RERE: variants seen among roughly 807,000 people sequenced by gnomAD.
RERE encodes arginine-glutamic acid dipeptide repeats protein.
Under a neutral mutation model 146.1 loss-of-function variants are expected in RERE, and 40 were observed. The observed-to-expected ratio is 0.27, with a 90% CI of 0.21 to 0.36. The LOEUF is 0.36. RERE is among the 10% of genes least tolerant of loss of function. The pLI is 1.00. For synonymous variants in RERE, 1,003 were observed against 866.0 expected (o/e 1.16, Z -2.78); for missense variants, 1,933 against 2,138.7 (o/e 0.90, Z 1.90).
intron 12 of RERE, among the ~76,000 whole-genome samples, chr1:8,395,733 T>C (rs1240435547): frequency 6.6e-6 from 1 of 152,128 alleles, no homozygotes; most frequent in Admixed American, 6.5e-5. Flanking sequence ...CATCCGTGTT[T>C]CTAAAACGGG....
In RERE at chr1:8,556,197, A is replaced by G. The variant is rs1352192123; in HGVS notation, c.725+278T>C. On this transcript the variant is annotated intron_variant, in intron 6 of 22. Transcript: ENST00000400908. ...TACTTCAGCAAACAATACCAGGATA[A>G]TAATTTCCAAGGAAATGAAGATACA... is the stretch of plus-strand genomic sequence containing the variant. Among the ~76,000 whole-genome samples, 3 of 152,218 alleles carry G rather than the reference A, an allele frequency of 2.0e-5. No individual in the cohort carries two copies. In the East Asian group the frequency reaches 5.8e-4, roughly 29 times the overall value.
At chr1:8,552,080 C>T (rs993813327) in intron 6 of RERE, among the ~76,000 whole-genome samples, 4 of 152,222 alleles carry the variant, frequency 2.6e-5, no homozygotes, top group African/African-American at 7.2e-5. Context: ...TAATGCTGAA[C>T]TTCAACACAC....
At chr1:8,540,742 G>C (rs1557679057) in intron 7 of RERE, among the ~76,000 whole-genome samples, 1 of 152,142 alleles carries the variant, frequency 6.6e-6, no homozygotes, top group Non-Finnish European at 1.5e-5. Flanking sequence ...CATACTAGTA[G>C]TCTTACTAAA....
At position 8,734,887 on chromosome 1, in the gene RERE, C is replaced by T. The variant is rs192363512; in HGVS notation, c.-144-78446G>A. On this transcript the variant is annotated intron_variant, in intron 1 of 22. Transcript: ENST00000400908. ...TCACTTCTCTCTCAATTATCCTTCT[C>T]AACTTCCTTATATAGCCTTCTCTGA... is the stretch of plus-strand genomic sequence containing the variant. 8.4e-4 allele frequency among the ~76,000 whole-genome samples: 128 copies of T among 152,272 alleles called. 1 individual carries two copies. The highest frequency in any genetic ancestry group is 1.2e-3 in the African/African-American group (49 of 41,542).
chr1:8,589,583 G>A (rs6677196), intron 4 of RERE, among the ~76,000 whole-genome samples: 5,593 of 152,228 alleles, frequency 0.037, 329 homozygotes, highest in African/African-American at 0.13. Context: ...CTAACTAAGT[G>A]CTAGGTCCTG....
At chr1:8,591,093 A>G (rs1481536792) in intron 4 of RERE, among the ~76,000 whole-genome samples, 1 of 152,164 alleles carries the variant, frequency 6.6e-6, no homozygotes, top group Non-Finnish European at 1.5e-5. Flanking sequence ...ACCTCTTCCA[A>G]CTGAGACTCT....
chr1:8,524,535 G>A (rs1645547048), intron 7 of RERE, among the ~76,000 whole-genome samples: 1 of 152,100 alleles, frequency 6.6e-6, no homozygotes, highest in Admixed American at 6.6e-5. Flanking sequence ...CTTCCTATGA[G>A]GGTTTTTCAG....
At chr1:8,670,953 G>A (rs1465502649) in intron 1 of RERE, among the ~76,000 whole-genome samples, 1 of 152,160 alleles carries the variant, frequency 6.6e-6, no homozygotes, top group Non-Finnish European at 1.5e-5. Context: ...CCTCAGAAGT[G>A]GCTAACAGAG....
intron 1 of RERE, among the ~76,000 whole-genome samples, chr1:8,801,910 C>T (rs1198199052): frequency 2.0e-5 from 3 of 152,064 alleles, no homozygotes; most frequent in Admixed American, 1.3e-4. Flanking sequence ...ATCCATACAG[C>T]GTCCGATTAT....
At chr1:8,702,524 T>C (rs1296665716) in intron 1 of RERE, among the ~76,000 whole-genome samples, 1 of 152,232 alleles carries the variant, frequency 6.6e-6, no homozygotes, top group Non-Finnish European at 1.5e-5. Context: ...CTCCGCATTT[T>C]AGCTACTCTG....
chr1:8,608,889 C>T (rs1646755637), intron 4 of RERE, among the ~76,000 whole-genome samples: 2 of 152,110 alleles, frequency 1.3e-5, no homozygotes, highest in South Asian at 4.2e-4. Context: ...TTGAGACCAG[C>T]CTGGCCAACA....
chr1:8,582,460 C>T (rs1368904423), intron 4 of RERE, among the ~76,000 whole-genome samples: 2 of 151,178 alleles, frequency 1.3e-5, no homozygotes, highest in East Asian at 1.9e-4. Flanking sequence ...ACTGTGTCAC[C>T]CAGGCTGGTC....
intron 4 of RERE, among the ~76,000 whole-genome samples, chr1:8,581,247 G>A (rs946442962): frequency 5.9e-5 from 9 of 152,112 alleles, no homozygotes; most frequent in African/African-American, 2.2e-4. Flanking sequence ...ATAATGATGG[G>A]CACTTTTTCA....
intron 1 of RERE, among the ~76,000 whole-genome samples, chr1:8,777,784 C>T (rs1230159048): frequency 2.0e-5 from 3 of 151,730 alleles, no homozygotes; most frequent in Admixed American, 6.6e-5. Flanking sequence ...ATCCACCTGC[C>T]TCGGCCTCCC....
At chr1:8,374,779 C>T (rs1196448813) in intron 12 of RERE, among the ~76,000 whole-genome samples, 2 of 152,226 alleles carry the variant, frequency 1.3e-5, no homozygotes, top group South Asian at 2.1e-4. Context: ...CATATTCCCC[C>T]GCCTCACGGC....
chr1:8,509,282 G>A (rs550136098), intron 7 of RERE, among the ~76,000 whole-genome samples: 2 of 152,124 alleles, frequency 1.3e-5, no homozygotes, highest in Admixed American at 6.5e-5. Context: ...CAGAGAGATG[G>A]ACATTCCTGT....
intron 12 of RERE, among the ~76,000 whole-genome samples, chr1:8,421,981 ACAC>A (rs2124471302): frequency 6.6e-6 from 1 of 152,282 alleles, no homozygotes; most frequent in Non-Finnish European, 1.5e-5. Flanking sequence ...ATCTGCCTCT[ACAC>A]CACCAGGGAA....
At chr1:8,774,889 G>T (rs1244893846) in intron 1 of RERE, among the ~76,000 whole-genome samples, 2 of 150,266 alleles carry the variant, frequency 1.3e-5, no homozygotes, top group Admixed American at 6.6e-5. Flanking sequence ...TCCAGCTGAG[G>T]AGAATTAAAT....
chr1:8,571,327 G>T (rs539217771), intron 4 of RERE, among the ~76,000 whole-genome samples: 1 of 152,316 alleles, frequency 6.6e-6, no homozygotes, highest in Admixed American at 6.5e-5. Context: ...CTCTCCTGGT[G>T]ATATGCTTTT....
Sources: gnomAD v4.1 joint callset for allele counts (sites outside exome capture counted in the v4.1 genomes callset) on GRCh38, gnomAD v4.1.1 for gene constraint, MANE v1.5 for transcripts, NCBI Gene and HGNC (gene_info 2026-07-23, HGNC 2026-07-21) for gene names.